TST: variants seen among roughly 807,000 people sequenced by gnomAD.
TST encodes thiosulfate sulfurtransferase.
Under a neutral mutation model 20.4 loss-of-function variants are expected in TST, and 22 were observed. The ratio of observed to expected loss-of-function variants is 1.08; its 90% CI spans 0.77 to 1.54. TST has a LOEUF of 1.54. TST is among the 40% of genes most tolerant of loss of function. The pLI, the probability that TST is intolerant of heterozygous loss-of-function variation, is 0.00. For synonymous variants in TST, 187 were observed against 173.8 expected (o/e 1.08, Z -0.60); for missense variants, 392 against 405.2 (o/e 0.97, Z 0.28).
chr22:37,014,924 C>T (rs1309652321), intron 2 of TST, among the ~76,000 whole-genome samples: 1 of 152,152 alleles, frequency 6.6e-6, no homozygotes, highest in African/African-American at 2.4e-5. Context: ...AAGAGGCAGC[C>T]CTGCACCTTC....
intron 1 of TST, 59 bp from the exon 2 acceptor site, chr22:37,018,812 C>T (rs978241654): frequency 7.8e-5 from 98 of 1,255,122 alleles, no homozygotes; most frequent in Non-Finnish European, 1.0e-4. Flanking sequence ...TCGGTGTGTG[C>T]AGTAGGGTGA....
At position 37,011,096 on chromosome 22, in the gene TST, G is replaced by C; in HGVS notation, c.825C>G (p.Ser275=). The change falls in exon 3 of 3, where the codon TCC becomes TCG. Residue 275 remains serine, a synonymous_variant. Coordinates refer to ENST00000249042, the MANE Select transcript of TST (RefSeq NM_003312.6). ...GKPDVAVYDG[S]WSEWFRRAPP... is the part of the protein sequence containing the mutation. ...GGGCCCGGCGAAACCACTCGGACCA[G>C]GAGCCATCGTACACGGCCACATCAG... 1 of 1,613,358 alleles carries C rather than the reference G, an allele frequency of 6.2e-7. No individual in the cohort carries two copies. The highest frequency in any genetic ancestry group is 1.1e-5 in the South Asian group (1 of 91,058).
rs770580748 is a variant in TST, at chr22:37,018,586, G to A, written c.147C>T (p.Leu49=). Residue 49 remains leucine, a synonymous_variant, in exon 2 of 3, where the codon CTC becomes CTT. Transcript: ENST00000249042. ...AAGAGGCGCCGGGTACGTGGCGCTC[G>A]AGGTACTCCTTGCGGGCCTCTCGGG... is the stretch of plus-strand genomic sequence containing the variant. ...PGTREARKEY[L]ERHVPGASFF... is the part of the protein sequence containing the mutation. The A allele has an allele frequency of 7.0e-6, 11 of 1,563,484 alleles. No individual in the cohort carries two copies. In the South Asian group the frequency reaches 1.0e-4, roughly 15 times the overall value.
chr22:37,019,772 CAGGTTGGTGGCGGG>C (rs1007007110), upstream of TST: 24 of 734,512 alleles, frequency 3.3e-5, no homozygotes, highest in Non-Finnish European at 4.3e-5. Context: ...TGGTCCGCTG[CAGGTTGGTGGCGGG>C]AGGAGGGGAC....
chr22:37,019,726 G>A (rs2145905164), upstream of TST: 2 of 456,896 alleles, frequency 4.4e-6, no homozygotes, highest in Non-Finnish European at 7.1e-6. Flanking sequence ...GCTCCGAGTG[G>A]CCGCGGCGGT....
chr22:37,018,804 G>A, intron 1 of TST, 51 bp from the exon 2 acceptor site: 1 of 1,313,046 alleles, frequency 7.6e-7, no homozygotes, highest in Non-Finnish European at 1.0e-6. Flanking sequence ...GAAGGAAGTC[G>A]GTGTGTGCAG....
intron 2 of TST, among the ~76,000 whole-genome samples, chr22:37,015,448 GAAC>G (rs1298788433): frequency 1.3e-5 from 2 of 152,162 alleles, no homozygotes; most frequent in Admixed American, 6.5e-5. Context: ...CTCCTTTCAC[GAAC>G]AACAGTTAGC....
upstream of TST, chr22:37,019,846 C>T (rs1280729258): frequency 8.2e-7 from 1 of 1,220,190 alleles, no homozygotes; most frequent in Non-Finnish European, 1.0e-6. Flanking sequence ...CATGGCGGAG[C>T]CAGGAAGCCG....
rs756205457 is a variant in TST at position 37,011,315 on chromosome 22, C to T, written c.606G>A (p.Ser202=). Residue 202 remains serine, a synonymous_variant, in exon 3 of 3, where the codon TCG becomes TCA. Coordinates refer to ENST00000249042, the MANE Select transcript of TST (RefSeq NM_003312.6). ...EPEPDAVGLD[S]GHIRGAVNMP... is the part of the protein sequence containing the mutation. ...TGTTGACGGCACCACGGATATGGCC[C>T]GAGTCCAGTCCTGGGCAGGGCAGAG... 2.6e-5 allele frequency: 42 copies of T among 1,611,912 alleles called. No homozygotes were observed. Among genetic ancestry groups the T allele is most frequent in the Non-Finnish European group, 3.1e-5 (37 of 1,178,662 alleles).
chr22:37,019,833 G>A, upstream of TST: 1 of 1,210,020 alleles, frequency 8.3e-7, no homozygotes, highest in Admixed American at 4.2e-5. Context: ...GCGCCGCGGG[G>A]GCCATGGCGG....
intron 2 of TST, 25 bp from the exon 3 acceptor site, chr22:37,011,350 T>C: frequency 1.3e-6 from 2 of 1,593,694 alleles, no homozygotes; most frequent in South Asian, 2.2e-5. Flanking sequence ...GGACACAGCT[T>C]AGGGGATGTA....
chr22:37,015,551 G>A (rs1922646011), intron 2 of TST, among the ~76,000 whole-genome samples: 1 of 152,238 alleles, frequency 6.6e-6, no homozygotes, highest in Non-Finnish European at 1.5e-5. Context: ...AGCTTGTGGA[G>A]GCACAAAACT....
At chr22:37,012,788 G>A (rs7290003) in intron 2 of TST, among the ~76,000 whole-genome samples, 44,313 of 152,134 alleles carry the variant, frequency 0.29, 6,920 homozygotes, top group African/African-American at 0.36. Context: ...GCTCACGCCT[G>A]TAGTCCCAGC....
intron 2 of TST, among the ~76,000 whole-genome samples, chr22:37,013,604 T>C (rs1303695220): frequency 6.6e-6 from 1 of 152,030 alleles, no homozygotes; most frequent in African/African-American, 2.4e-5. Flanking sequence ...AAAAATATAA[T>C]AATAATGAAT....
chr22:37,018,620 G>T lies in TST; in HGVS notation c.113C>A (p.Ser38Ter). 1 of 1,572,664 alleles carries T rather than the reference G, an allele frequency of 6.4e-7. No individual in the cohort carries two copies. The highest frequency in any genetic ancestry group is 8.6e-7 in the Non-Finnish European group (1 of 1,159,738). ...CTTGCGGGCCTCTCGGGTGCCTGGT[G>T]AGTACCAGGACGCGTCCAGCACCCG... is the stretch of plus-strand genomic sequence containing the variant. ...GLRVLDASWY[S>*]PGTREARKEY... The change falls in exon 2 of 3, where the codon TCA becomes TAA. Residue 38 changes from serine (S) to a stop codon, truncating the protein, a stop_gained. Coordinates refer to ENST00000249042, the MANE Select transcript of TST (RefSeq NM_003312.6). LOFTEE classifies it high-confidence loss of function.
intron 2 of TST, among the ~76,000 whole-genome samples, chr22:37,012,923 T>C (rs1922533608): frequency 6.6e-6 from 1 of 152,036 alleles, no homozygotes; most frequent in South Asian, 2.1e-4. Context: ...GCGCCTGTAA[T>C]CCCAGCTACT....
upstream of TST, chr22:37,020,063 G>T: frequency 2.6e-6 from 1 of 390,200 alleles, no homozygotes; most frequent in Middle Eastern, 4.6e-4. Context: ...GGGTCGTGGC[G>T]AGTGGCGGGT....
Position 37,018,140 on chromosome 22 carries a change from A to G in TST, c.593T>C (p.Val198Ala), listed in dbSNP as rs150710540. Residue 198 changes from valine (V) to alanine (A), a missense_variant and splice_region_variant, in exon 2 of 3, where the codon GTA becomes GCA. Val to Ala is a moderately conservative substitution (Grantham distance 64, BLOSUM62 0). Transcript: ENST00000249042. ...CCACCCAGCACTGGGACACCTACCT[A>G]CTGCATCCGGCTCCGGCTCGGTGCC... The part of the protein sequence containing the change: ...FLGTEPEPDA[V>A]GLDSGHIRGA... 1.1e-3 allele frequency: 1,765 copies of G among 1,547,426 alleles called. 1 individual carries two copies. Among genetic ancestry groups the G allele is most frequent in the Non-Finnish European group, 1.4e-3 (1,551 of 1,145,028 alleles).
At chr22:37,018,065 C>A in intron 2 of TST, 73 bp downstream of exon 2, 1 of 1,196,048 alleles carries the variant, frequency 8.4e-7, no homozygotes, top group Non-Finnish European at 1.1e-6. Flanking sequence ...TGGAGAGGGT[C>A]CCAGTCATCC....
Sources: gnomAD v4.1 joint callset for allele counts (sites outside exome capture counted in the v4.1 genomes callset) on GRCh38, gnomAD v4.1.1 for gene constraint, MANE v1.5 for transcripts, NCBI Gene and HGNC (gene_info 2026-07-23, HGNC 2026-07-21) for gene names.